The following IQUB variants were observed in gnomAD, a reference collection of about 807,000 sequenced individuals.
The protein encoded by IQUB is IQ motif and ubiquitin domain containing.
A neutral mutation model predicts 86.4 loss-of-function variants in IQUB; 86 were observed. That is an observed-to-expected ratio of 1.00 (90% CI 0.84 to 1.19). The LOEUF (loss-of-function observed/expected upper bound fraction) is 1.19. IQUB is among the 50% of genes most tolerant of loss of function. The pLI is 0.00. For missense variants in IQUB, 946 were observed against 916.9 expected, an observed-to-expected ratio of 1.03 and a Z score of -0.41; for synonymous variants, 289 against 304.5, an observed-to-expected ratio of 0.95 and a Z score of 0.53.
At chr7:123,529,063 T>A (rs1797397345) in intron 1 of IQUB, among the ~76,000 whole-genome samples, 1 of 152,204 alleles carries the variant, frequency 6.6e-6, no homozygotes, top group Non-Finnish European at 1.5e-5. Flanking sequence ...ATTATTGTTA[T>A]CATTCATTTT....
chr7:123,492,059 T>C (rs1014428938), intron 7 of IQUB, among the ~76,000 whole-genome samples: 1 of 152,166 alleles, frequency 6.6e-6, no homozygotes. Flanking sequence ...TCTTCATCCT[T>C]TCTGCTATGT....
rs557805200 is a variant in IQUB, at chr7:123,460,062, G to T, written c.2007+1295C>A. ...CACTATTTTGGAAACTTTTATTTCTGAGGCAGAACAGCATGTGTTTACATG... is the reference window on the plus strand; with the variant it reads ...CACTATTTTGGAAACTTTTATTTCTTAGGCAGAACAGCATGTGTTTACATG... On this transcript the variant is annotated intron_variant, in intron 11 of 12. Transcript: ENST00000324698. Among the ~76,000 whole-genome samples, 28 of 152,026 alleles carry T rather than the reference G, an allele frequency of 1.8e-4. No individual in the cohort carries two copies. The Middle Eastern group carries it at 0.01, about 55-fold the overall frequency.
In IQUB at chr7:123,503,076, T is replaced by C. The variant is rs1796021226; in HGVS notation, c.735A>G (p.Lys245=). The C allele has an allele frequency of 6.2e-7, 1 of 1,613,552 alleles. No homozygotes were observed. The highest frequency in any genetic ancestry group is 8.5e-7 in the Non-Finnish European group (1 of 1,179,746). ...CAAGAAATGGTTTGTGAAAGTCAGA[T>C]TTGACAATCTCAACAGGTACCTGCT... is the stretch of plus-strand genomic sequence containing the variant. ...QYQQVPVEIV[K]SDFHKPFLGG... The change falls in exon 5 of 13, where the codon AAA becomes AAG. Residue 245 remains lysine (K), a synonymous_variant. Transcript: ENST00000324698.
At chr7:123,522,716 A>G (rs1421542507) in intron 1 of IQUB, among the ~76,000 whole-genome samples, 2 of 152,146 alleles carry the variant, frequency 1.3e-5, no homozygotes, top group African/African-American at 4.8e-5. Context: ...TACTTTTATT[A>G]TTATACTTTA....
chr7:123,488,213 C>A (rs887915304), intron 7 of IQUB, among the ~76,000 whole-genome samples: 4 of 151,780 alleles, frequency 2.6e-5, no homozygotes, highest in African/African-American at 9.7e-5. Flanking sequence ...CGGTGGCCGG[C>A]GCCTGTAGTC....
At chr7:123,494,114 CA>C (rs1282960918) in intron 7 of IQUB, among the ~76,000 whole-genome samples, 10 of 152,018 alleles carry the variant, frequency 6.6e-5, no homozygotes, top group African/African-American at 2.4e-4. Context: ...GGATACTTAG[CA>C]CCTTTTTTTC....
intron 9 of IQUB, among the ~76,000 whole-genome samples, chr7:123,468,856 GA>G (rs1331310758): frequency 6.6e-6 from 1 of 152,098 alleles, no homozygotes; most frequent in East Asian, 1.9e-4. Context: ...ATCAATAATT[GA>G]TGAGAAAAAA....
At chr7:123,462,295 T>A (rs1051265275) in intron 10 of IQUB, among the ~76,000 whole-genome samples, 1 of 151,850 alleles carries the variant, frequency 6.6e-6, no homozygotes, top group Non-Finnish European at 1.5e-5. Context: ...TTGCATGTGA[T>A]ATATAAGACT....
intron 3 of IQUB, among the ~76,000 whole-genome samples, chr7:123,506,466 T>C (rs1007219321): frequency 6.6e-6 from 1 of 152,100 alleles, no homozygotes; most frequent in Non-Finnish European, 1.5e-5. Context: ...CCATGGGCTG[T>C]ACAGGAAGCA....
chr7:123,473,803 T>A (rs1407926570), intron 8 of IQUB, among the ~76,000 whole-genome samples: 1 of 151,562 alleles, frequency 6.6e-6, no homozygotes, highest in Non-Finnish European at 1.5e-5. Context: ...GTCAGGCTGG[T>A]CTCAAACTCC....
rs1794316658 is a variant in IQUB at position 123,467,506 on chromosome 7, G to A, written c.1581+1708C>T. ...ATCCTGAATCAAATGACTAATTGTT[G>A]TGGCAGTATAAAGACCCAGGATCCT... On this transcript the variant is annotated intron_variant, in intron 9 of 12. Transcript: ENST00000324698. Among the ~76,000 whole-genome samples, 3 of 152,130 alleles carry A rather than the reference G, an allele frequency of 2.0e-5. No individual in the cohort carries two copies. In the South Asian group the frequency reaches 6.2e-4, roughly 32 times the overall value.
intron 8 of IQUB, among the ~76,000 whole-genome samples, chr7:123,474,883 A>T (rs1374754866): frequency 6.6e-6 from 1 of 152,176 alleles, no homozygotes; most frequent in Non-Finnish European, 1.5e-5. Flanking sequence ...CTGTGGGTTT[A>T]GAACTCCAAT....
intron 6 of IQUB, chr7:123,501,569 G>A (rs1193344026): frequency 6.6e-6 from 1 of 152,176 alleles, no homozygotes; most frequent in Non-Finnish European, 1.5e-5. Context: ...AGATCAGTAA[G>A]AAACAAACAT....
rs1265312648 is a variant in IQUB at position 123,503,011 on chromosome 7, T to C, written c.800A>G (p.Asn267Ser). 4 of 1,613,118 alleles carry C rather than the reference T, an allele frequency of 2.5e-6. No homozygotes were observed. In the East Asian group the frequency reaches 6.7e-5, roughly 27 times the overall value. ...RHKVTGVEYH[N>S]AGTQTVPKRI... ...TTTAGGTACAGTTTGTGTTCCAGCA[T>C]TGTGATACTCTACTCCTGTTACTTT... is the stretch of plus-strand genomic sequence containing the variant. Residue 267 changes from asparagine to serine, a missense_variant, in exon 5 of 13, where the codon AAT (asparagine) becomes AGT (serine). By Grantham distance (46) the Asn-to-Ser change is conservative. Transcript: ENST00000324698.
chr7:123,510,692 C>T (rs1796377656), intron 2 of IQUB, among the ~76,000 whole-genome samples: 1 of 152,008 alleles, frequency 6.6e-6, no homozygotes, highest in Admixed American at 6.6e-5. Context: ...CCTGAAATTA[C>T]AGTTTTCGTA....
intron 3 of IQUB, 25 bp from the exon 4 acceptor site, chr7:123,503,388 A>G (rs2117210189): frequency 1.5e-6 from 2 of 1,312,922 alleles, no homozygotes; most frequent in East Asian, 4.7e-5. Flanking sequence ...AAAATTTTTA[A>G]AAGTTTTATG....
intron 1 of IQUB, among the ~76,000 whole-genome samples, chr7:123,526,614 C>T (rs1797225391): frequency 6.6e-6 from 1 of 151,170 alleles, no homozygotes; most frequent in South Asian, 2.1e-4. Context: ...GATGGGTTTC[C>T]TGAATACAGC....
At chr7:123,523,975 G>C (rs2117340657) in intron 1 of IQUB, among the ~76,000 whole-genome samples, 1 of 151,984 alleles carries the variant, frequency 6.6e-6, no homozygotes, top group South Asian at 2.1e-4. Context: ...TTTCCCCATT[G>C]CTCGTTTTTC....
chr7:123,488,263 C>T (rs1795298967), intron 7 of IQUB, among the ~76,000 whole-genome samples: 1 of 151,554 alleles, frequency 6.6e-6, no homozygotes. Context: ...ATGGTGTGAA[C>T]CCAGGAGGCG....
Sources: allele counts gnomAD v4.1 joint callset (sites outside exome capture counted in the v4.1 genomes callset), GRCh38; gene constraint gnomAD v4.1.1; transcripts MANE v1.5; gene names NCBI Gene and HGNC (gene_info 2026-07-23, HGNC 2026-07-21).